Variants in EYS observed in about 807,000 individuals in gnomAD.
EYS encodes protein eyes shut homolog.
EYS carries 250 observed loss-of-function variants against 282.1 expected under a neutral mutation model. The ratio of observed to expected loss-of-function variants is 0.89; its 90% CI spans 0.80 to 0.98. The LOEUF (loss-of-function observed/expected upper bound fraction) is 0.98. EYS is among the 50% of genes least tolerant of loss of function. EYS has a pLI of 0.00. For missense variants in EYS, 4,016 were observed against 3,709.0 expected, an observed-to-expected ratio of 1.08 and a Z score of -2.15; for synonymous variants, 1,355 against 1,282.9, an observed-to-expected ratio of 1.06 and a Z score of -1.20.
intron 35 of EYS, among the ~76,000 whole-genome samples, chr6:63,914,700 C>T (rs1764373834): frequency 1.4e-5 from 2 of 142,242 alleles, no homozygotes; most frequent in African/African-American, 5.2e-5. Context: ...AGAGCAAGAC[C>T]CTGTCTCAAC....
intron 12 of EYS, among the ~76,000 whole-genome samples, chr6:65,136,026 T>C (rs889818546): frequency 2.6e-5 from 4 of 152,190 alleles, no homozygotes; most frequent in African/African-American, 9.6e-5. Flanking sequence ...GAAATAAATA[T>C]GTATATATGA....
chr6:64,482,404 G>A (rs1393011640), intron 26 of EYS, among the ~76,000 whole-genome samples: 2 of 151,684 alleles, frequency 1.3e-5, no homozygotes, highest in African/African-American at 4.8e-5. Context: ...CTATATATGT[G>A]TAAGTTAGCC....
chr6:64,557,113 C>T (rs1022739970), intron 26 of EYS, among the ~76,000 whole-genome samples: 3 of 151,604 alleles, frequency 2.0e-5, no homozygotes, highest in Admixed American at 1.3e-4. Context: ...TCTAAAACAA[C>T]TCCTAAAGAA....
intron 5 of EYS, among the ~76,000 whole-genome samples, chr6:65,418,791 A>G (rs995083987): frequency 6.6e-6 from 1 of 152,022 alleles, no homozygotes; most frequent in African/African-American, 2.4e-5. Flanking sequence ...CCTGTGTAAC[A>G]AACCTTCACG....
chr6:63,916,014 T>A (rs1176413718), intron 35 of EYS, among the ~76,000 whole-genome samples: 10 of 152,340 alleles, frequency 6.6e-5, no homozygotes, highest in Admixed American at 6.5e-4. Context: ...AGTGGTAGGA[T>A]TTGAAACAAG....
chr6:64,581,339 A>G lies in EYS; in HGVS notation c.5644+8884T>C, dbSNP rs540698841. Among the ~76,000 whole-genome samples the G allele has an allele frequency of 8.5e-5, 13 of 152,262 alleles. No individual in the cohort carries two copies. In the East Asian group the frequency reaches 2.5e-3, roughly 30 times the overall value. On this transcript the variant is annotated intron_variant, in intron 26 of 42. Transcript: ENST00000503581. ...AAATAGTGGCACCATGGACCGAGCT[A>G]CATACAAAATGTTCTGGGCTGAGTT...
chr6:64,343,629 A>G (rs1771230546), intron 29 of EYS, among the ~76,000 whole-genome samples: 1 of 152,192 alleles, frequency 6.6e-6, no homozygotes, highest in African/African-American at 2.4e-5. Flanking sequence ...TGGACACCCT[A>G]CCATCACAAT....
intron 5 of EYS, among the ~76,000 whole-genome samples, chr6:65,480,793 C>G (rs1765579730): frequency 2.0e-5 from 3 of 152,074 alleles, no homozygotes; most frequent in Non-Finnish European, 4.4e-5. Flanking sequence ...AGAATGGAAT[C>G]CTGTCATTCC....
intron 30 of EYS, among the ~76,000 whole-genome samples, chr6:64,253,501 C>T (rs1198654429): frequency 6.6e-6 from 1 of 152,154 alleles, no homozygotes; most frequent in East Asian, 1.9e-4. Flanking sequence ...CTATAGTTAT[C>T]GTCGTGGGTC....
chr6:65,585,173 A>G lies in EYS; in HGVS notation c.-333+54605T>C, dbSNP rs185908719. Among the ~76,000 whole-genome samples, 265 of 152,080 alleles carry G rather than the reference A, an allele frequency of 1.7e-3. 2 individuals are homozygous for G. The highest frequency in any genetic ancestry group is 3.4e-3 in the Middle Eastern group (1 of 294). On this transcript the variant is annotated intron_variant, in intron 2 of 42. Coordinates refer to ENST00000503581, the MANE Select transcript of EYS (RefSeq NM_001142800.2). ...AATTCGATAATTCAAGAATGCCAAT[A>G]TAAATACATGAAATGGAACACAGTT... is the stretch of plus-strand genomic sequence containing the variant.
intron 36 of EYS, among the ~76,000 whole-genome samples, chr6:63,824,046 A>T (rs1299383552): frequency 1.3e-5 from 2 of 152,218 alleles, no homozygotes; most frequent in Admixed American, 6.5e-5. Context: ...CAGAATATGC[A>T]TCTTACAAGT....
chr6:64,618,895 T>C (rs1457863387), intron 23 of EYS, among the ~76,000 whole-genome samples: 1 of 152,158 alleles, frequency 6.6e-6, no homozygotes, highest in African/African-American at 2.4e-5. Flanking sequence ...CTCACAAACA[T>C]AGTTGAGTCT....
chr6:64,391,808 C>T (rs1773159575), intron 28 of EYS, among the ~76,000 whole-genome samples: 2 of 152,246 alleles, frequency 1.3e-5, no homozygotes, highest in African/African-American at 2.4e-5. Context: ...GCTAAATGCT[C>T]CAATTAAAAG....
At chr6:65,488,128 C>G (rs1037970755) in intron 5 of EYS, among the ~76,000 whole-genome samples, 6 of 152,058 alleles carry the variant, frequency 3.9e-5, no homozygotes, top group Non-Finnish European at 1.5e-5. Flanking sequence ...AAAACCAGCT[C>G]CTGGATTCAT....
At chr6:65,586,199 T>C (rs1041146738) in intron 2 of EYS, among the ~76,000 whole-genome samples, 3 of 152,026 alleles carry the variant, frequency 2.0e-5, no homozygotes, top group Non-Finnish European at 4.4e-5. Flanking sequence ...CTTGTAACTA[T>C]ACACATAGAG....
intron 7 of EYS, among the ~76,000 whole-genome samples, chr6:65,401,502 A>T (rs1231484644): frequency 6.6e-6 from 1 of 151,668 alleles, no homozygotes; most frequent in Non-Finnish European, 1.5e-5. Context: ...TTTTAAAGGG[A>T]TAGTATTCAG....
At chr6:64,060,872 A>C (rs1334206627) in intron 33 of EYS, among the ~76,000 whole-genome samples, 1 of 152,180 alleles carries the variant, frequency 6.6e-6, no homozygotes, top group African/African-American at 2.4e-5. Flanking sequence ...CTGCCCAACT[A>C]TTAGAAACTT....
At position 63,880,332 on chromosome 6, in the gene EYS, C is replaced by T. The variant is rs543158241; in HGVS notation, c.7056-15974G>A. ...TTGGATGCTTCCTGCCCTCAAACAT[C>T]GGACTCCAAGTTCTTCAGTTTTAAG... On this transcript the variant is annotated intron_variant, in intron 35 of 42. Transcript: ENST00000503581. 8.5e-5 allele frequency among the ~76,000 whole-genome samples: 13 copies of T among 152,314 alleles called. No individual in the cohort carries two copies. In the South Asian group the frequency reaches 2.1e-3, roughly 24 times the overall value.
At position 64,071,986 on chromosome 6, in the gene EYS, C is replaced by G. The variant is rs541767244; in HGVS notation, c.6572-5495G>C. ...AACATGGTTGAAGAAACATATAGAG[C>G]CGGGGGGACATAAAAAATCCAAGGC... On this transcript the variant is annotated intron_variant, in intron 32 of 42. Transcript: ENST00000503581. 3.3e-5 allele frequency among the ~76,000 whole-genome samples: 5 copies of G among 151,642 alleles called. No homozygotes were observed. In the South Asian group the frequency reaches 1.0e-3, roughly 32 times the overall value.
Sources: gnomAD v4.1 joint callset for allele counts (sites outside exome capture counted in the v4.1 genomes callset) on GRCh38, gnomAD v4.1.1 for gene constraint, MANE v1.5 for transcripts, NCBI Gene and HGNC (gene_info 2026-07-23, HGNC 2026-07-21) for gene names.